Variants in SKIC3 observed in about 807,000 individuals in gnomAD.
SKIC3 encodes superkiller complex protein 3.
chr5:95,485,633 T>C, the SKIC3 span, among the ~76,000 whole-genome samples: 1 of 152,174 alleles, frequency 6.6e-6, no homozygotes, highest in Non-Finnish European at 1.5e-5. Flanking sequence ...TCATAGAAGA[T>C]GTCAGAAGTG....
chr5:95,542,381 GCTAA>G, the SKIC3 span, among the ~76,000 whole-genome samples: 1 of 152,114 alleles, frequency 6.6e-6, no homozygotes, highest in East Asian at 1.9e-4. Flanking sequence ...CCATAATCAA[GCTAA>G]CTAACATAAC....
the SKIC3 span, among the ~76,000 whole-genome samples, chr5:95,547,579 G>C: frequency 6.6e-6 from 1 of 151,922 alleles, no homozygotes; most frequent in Admixed American, 6.6e-5. Flanking sequence ...GCATCCCCAG[G>C]ACCTAGTATC....
the SKIC3 span, chr5:95,469,631 CA>C: frequency 1.2e-5 from 13 of 1,115,470 alleles, no homozygotes; most frequent in African/African-American, 1.9e-4. Context: ...CCAGTTCTTC[CA>C]AAGTAGATAC....
At chr5:95,470,171 G>A in the SKIC3 span, among the ~76,000 whole-genome samples, 2 of 151,872 alleles carry the variant, frequency 1.3e-5, no homozygotes, top group Non-Finnish European at 2.9e-5. Context: ...GTAGAGATGG[G>A]GTTTCACCAT....
chr5:95,522,411 C>T, the SKIC3 span: 2 of 1,376,586 alleles, frequency 1.5e-6, no homozygotes, highest in Non-Finnish European at 2.0e-6. Context: ...ATATCTGTGG[C>T]TCCTTCTACT....
At chr5:95,526,250 C>CT in the SKIC3 span, among the ~76,000 whole-genome samples, 9 of 149,390 alleles carry the variant, frequency 6.0e-5, no homozygotes, top group South Asian at 8.5e-4. Context: ...CCCTCCTTCT[C>CT]TTTTTTTTTT....
chr5:95,469,591 C>T, the SKIC3 span, among the ~76,000 whole-genome samples: 2 of 152,112 alleles, frequency 1.3e-5, no homozygotes, highest in Admixed American at 6.6e-5. Flanking sequence ...AAATATAAGG[C>T]TTTGTTTCTC....
chr5:95,514,904 T>G, the SKIC3 span: 1 of 1,612,654 alleles, frequency 6.2e-7, no homozygotes, highest in Non-Finnish European at 8.5e-7. Flanking sequence ...TTGAGCCATT[T>G]TGAAAGCCTC....
chr5:95,522,971 A>T, the SKIC3 span, among the ~76,000 whole-genome samples: 1 of 152,162 alleles, frequency 6.6e-6, no homozygotes, highest in African/African-American at 2.4e-5. Context: ...ACTACTATAC[A>T]TATGTATTAA....
the SKIC3 span, chr5:95,464,074 A>G: frequency 0.24 from 37,298 of 156,104 alleles, 5,835 homozygotes; most frequent in African/African-American, 0.44. Context: ...CAACATTTAT[A>G]TTATGCTTTT....
chr5:95,508,532 C>T, the SKIC3 span, among the ~76,000 whole-genome samples: 1 of 152,216 alleles, frequency 6.6e-6, no homozygotes, highest in South Asian at 2.1e-4. Context: ...CCTAGATAAA[C>T]AAGTGGCTTG....
chr5:95,533,546 TCA>T, the SKIC3 span, among the ~76,000 whole-genome samples: 1 of 152,150 alleles, frequency 6.6e-6, no homozygotes, highest in Non-Finnish European at 1.5e-5. Flanking sequence ...CCTGAATTTC[TCA>T]GTTCCACAAA....
the SKIC3 span, chr5:95,464,153 GTTTGCCGAAC>G: frequency 2.5e-5 from 4 of 159,200 alleles, no homozygotes; most frequent in Admixed American, 2.5e-4. Context: ...TGATGAATTG[GTTTGCCGAAC>G]TTTAGAATTC....
chr5:95,521,573 A>G, the SKIC3 span: 2 of 152,610 alleles, frequency 1.3e-5, no homozygotes, highest in Non-Finnish European at 2.9e-5. Flanking sequence ...TTTTAATACA[A>G]TCATTACAAA....
the SKIC3 span, among the ~76,000 whole-genome samples, chr5:95,535,307 AT>A: frequency 0.29 from 26,889 of 92,014 alleles, 1,516 homozygotes; most frequent in Middle Eastern, 0.34. Context: ...GGTAACAGCA[AT>A]TTTTTTTTTT....
the SKIC3 span, among the ~76,000 whole-genome samples, chr5:95,474,522 T>C: frequency 6.6e-6 from 1 of 152,222 alleles, no homozygotes; most frequent in African/African-American, 2.4e-5. Context: ...TGTATGTAAT[T>C]TGACCCTCCT....
At chr5:95,503,741 C>A in the SKIC3 span, 3 of 1,600,302 alleles carry the variant, frequency 1.9e-6, no homozygotes, top group Admixed American at 3.3e-5. Flanking sequence ...ATTATTACAT[C>A]TTTCTGTATG....
chr5:95,512,757 T>A, the SKIC3 span: 1 of 913,218 alleles, frequency 1.1e-6, no homozygotes, highest in Non-Finnish European at 1.7e-6. Context: ...AAAGTACCTT[T>A]AAATGAAGGG....
chr5:95,546,897 T>G, the SKIC3 span: 32 of 673,038 alleles, frequency 4.8e-5, no homozygotes, highest in African/African-American at 7.2e-5. Flanking sequence ...CAGAGGTAGT[T>G]TATCCTGCTA....
Sources: allele counts gnomAD v4.1 joint callset (sites outside exome capture counted in the v4.1 genomes callset), GRCh38; gene constraint gnomAD v4.1.1; transcripts MANE v1.5; gene names NCBI Gene and HGNC (gene_info 2026-07-23, HGNC 2026-07-21).